AGAP1: variants seen among roughly 807,000 people sequenced by gnomAD.
The protein encoded by AGAP1 is ArfGAP with GTPase domain, ankyrin repeat and PH domain 1.
In AGAP1, 29 loss-of-function variants were observed where a neutral mutation model predicts 105.3. The ratio of observed to expected loss-of-function variants is 0.28; its 90% confidence interval spans 0.21 to 0.38. The LOEUF is 0.38. Among genes scored for constraint, AGAP1 ranks in the 10% least tolerant of loss-of-function variants. The pLI is 1.00. For missense variants in AGAP1, 998 were observed against 1,165.1 expected (o/e 0.86, Z 2.09); for synonymous variants, 509 against 485.9 (o/e 1.05, Z -0.63).
At position 235,753,777 on chromosome 2, in the gene AGAP1, A is replaced by G. The variant is rs536758996; in HGVS notation, c.673+3289A>G. 2.1e-3 allele frequency among the ~76,000 whole-genome samples: 320 copies of G among 152,232 alleles called. 2 individuals carry two copies. In the South Asian group the frequency reaches 0.031, roughly 15 times the overall value. The stretch of plus-strand genomic sequence containing the variant: ...CTGTGAAGCTACAACTTCCGTGACT[A>G]TTGCGATTTTTTTGTCCTTAAAATA... On this transcript the variant is annotated intron_variant, in intron 6 of 17. Coordinates refer to ENST00000304032, the MANE Select transcript of AGAP1 (RefSeq NM_001037131.3). The surrounding 1 kb of genome is among the most constrained non-coding windows in gnomAD (Gnocchi z 4.5).
At chr2:235,629,286 G>A (rs1466348153) in intron 1 of AGAP1, among the ~76,000 whole-genome samples, 1 of 148,678 alleles carries the variant, frequency 6.7e-6, no homozygotes, top group Non-Finnish European at 1.5e-5. Context: ...GTGTGTGTGT[G>A]TGTGTGTGTG....
rs769867813 is a variant in AGAP1 at position 235,550,757 on chromosome 2, G to C, written c.163+55908G>C. Among the ~76,000 whole-genome samples, 14 of 152,146 alleles carry C rather than the reference G, an allele frequency of 9.2e-5. No individual in the cohort carries two copies. The highest frequency in any genetic ancestry group is 1.6e-4 in the Non-Finnish European group (11 of 68,026). On this transcript the variant is annotated intron_variant, in intron 1 of 17. Transcript: ENST00000304032. This position sits in a 1 kb window ranked among gnomAD's most constrained non-coding sequence, Gnocchi z 4.6. ...AAAGAGTGAGCTCTTTGATGCTGAT[G>C]AGATAGTGTTTATTTATTTTTATCT...
In AGAP1 at chr2:236,120,267, G is replaced by A. The variant is rs1225712882; in HGVS notation, c.2190G>A (p.Leu730=). The part of the protein sequence containing the change: ...LFLAPLPCTE[L]SLGQHLLRAT... ...TGGCCCCGCTGCCCTGCACGGAGCT[G>A]TCCCTGGGCCAGCACCTGCTGCGGG... The change falls in exon 17 of 18, where the codon CTG becomes CTA. Residue 730 remains leucine, a synonymous_variant. Transcript: ENST00000304032. This position sits in a 1 kb window ranked among gnomAD's most constrained non-coding sequence, Gnocchi z 6.0. 3 of 1,613,330 alleles carry A rather than the reference G, an allele frequency of 1.9e-6. No individual in the cohort carries two copies. Among genetic ancestry groups the A allele is most frequent in the Non-Finnish European group, 2.5e-6 (3 of 1,179,762 alleles).
In AGAP1 at chr2:235,889,534, A is replaced by G. The variant is rs7573651; in HGVS notation, c.1155+6085A>G. Among the ~76,000 whole-genome samples, 1,984 of 147,260 alleles carry G rather than the reference A, an allele frequency of 0.013. 48 individuals are homozygous for G. The highest frequency in any genetic ancestry group is 0.047 in the African/African-American group (1,856 of 39,454). ...TCTTTCCTTTCTCGTCATCCCCCAA[A>G]AGTGTCTTTGCCTTTTTTTTTTTTT... is the stretch of plus-strand genomic sequence containing the variant. On this transcript the variant is annotated intron_variant, in intron 10 of 17. Coordinates refer to ENST00000304032, the MANE Select transcript of AGAP1 (RefSeq NM_001037131.3). This position sits in a 1 kb window ranked among gnomAD's most constrained non-coding sequence, Gnocchi z 4.6.
rs1364987532 is a variant in AGAP1 at position 235,736,602 on chromosome 2, G to C, written c.311-4361G>C. Among the ~76,000 whole-genome samples the C allele has an allele frequency of 6.6e-6, 1 of 152,132 alleles. No homozygotes were observed. The highest frequency in any genetic ancestry group is 1.5e-5 in the Non-Finnish European group (1 of 68,024). ...TCCTCTAAAATTCTGGTGGAAAAAA[G>C]ATCTCCCTTTGGGAGGCTGAGGCAG... On this transcript the variant is annotated intron_variant, in intron 3 of 17. Transcript: ENST00000304032. This position sits in a 1 kb window ranked among gnomAD's most constrained non-coding sequence, Gnocchi z 5.5.
chr2:235,727,960 T>C (rs896840784), intron 3 of AGAP1, among the ~76,000 whole-genome samples: 2 of 152,042 alleles, frequency 1.3e-5, no homozygotes, highest in Non-Finnish European at 2.9e-5. Context: ...GGGAATGAAA[T>C]TGAATGTGCA....
chr2:235,883,173 A>G lies in AGAP1; in HGVS notation c.1051-172A>G, dbSNP rs954623585. Among the ~76,000 whole-genome samples the G allele has an allele frequency of 6.6e-6, 1 of 151,940 alleles. No individual in the cohort carries two copies. Among genetic ancestry groups the G allele is most frequent in the Non-Finnish European group, 1.5e-5 (1 of 68,002 alleles). On this transcript the variant is annotated intron_variant, in intron 9 of 17. Coordinates refer to ENST00000304032, the MANE Select transcript of AGAP1 (RefSeq NM_001037131.3). This position sits in a 1 kb window ranked among gnomAD's most constrained non-coding sequence, Gnocchi z 4.5. ...AAAAGATCTAGTGTAGCACGTCTCA[A>G]TGTGTTTGTGTCGTATTTGTTGAAC...
rs952950008 is a variant in AGAP1 at position 235,889,082 on chromosome 2, C to T, written c.1155+5633C>T. Among the ~76,000 whole-genome samples the T allele has an allele frequency of 5.3e-5, 8 of 152,162 alleles. No homozygotes were observed. The highest frequency in any genetic ancestry group is 1.2e-4 in the Non-Finnish European group (8 of 68,022). On this transcript the variant is annotated intron_variant, in intron 10 of 17. Coordinates refer to ENST00000304032, the MANE Select transcript of AGAP1 (RefSeq NM_001037131.3). This position sits in a 1 kb window ranked among gnomAD's most constrained non-coding sequence, Gnocchi z 4.6. ...CCACGGAAGTGTTTGTGTGAAAGATCGATCACCTTTGGACACGAACTTCAA... is the reference window on the plus strand; with the variant it reads ...CCACGGAAGTGTTTGTGTGAAAGATTGATCACCTTTGGACACGAACTTCAA...
intron 9 of AGAP1, among the ~76,000 whole-genome samples, chr2:235,870,447 C>T (rs1022836681): frequency 6.6e-5 from 10 of 152,148 alleles, no homozygotes; most frequent in African/African-American, 1.9e-4. Context: ...GCCAACATGG[C>T]GAAACCCTGT....
At position 235,967,273 on chromosome 2, in the gene AGAP1, G is replaced by A. The variant is rs2054440366; in HGVS notation, c.1484-1189G>A. On this transcript the variant is annotated intron_variant, in intron 12 of 17. Transcript: ENST00000304032. The surrounding 1 kb of genome is among the most constrained non-coding windows in gnomAD (Gnocchi z 4.7). Reference sequence around the variant, plus strand: ...TCTGCCATTTTCAAGTCTTGATTCAGTGTCCCGTGCTCAGCGAGACCTACC... The same window carrying A: ...TCTGCCATTTTCAAGTCTTGATTCAATGTCCCGTGCTCAGCGAGACCTACC... Among the ~76,000 whole-genome samples the A allele has an allele frequency of 6.6e-6, 1 of 151,836 alleles. No individual in the cohort carries two copies. Among genetic ancestry groups the A allele is most frequent in the South Asian group, 2.1e-4 (1 of 4,802 alleles).
At chr2:236,037,659 C>CA (rs2057423561) in intron 14 of AGAP1, among the ~76,000 whole-genome samples, 1 of 152,232 alleles carries the variant, frequency 6.6e-6, no homozygotes, top group African/African-American at 2.4e-5. Flanking sequence ...CCACCTGCCT[C>CA]AGACACCCAG....
rs2052698436 is a variant in AGAP1 at position 235,931,033 on chromosome 2, AC to A, written c.1483+113del. On this transcript the variant is annotated intron_variant, in intron 12 of 17. Transcript: ENST00000304032. The surrounding 1 kb of genome is among the most constrained non-coding windows in gnomAD (Gnocchi z 5.6). ...TCTCATGCTCCTCTGGGAGCGCAGC[AC>A]CCTGTGGGGCGGCTGCATCAGAGAC... 1 of 1,275,040 alleles carries A rather than the reference AC, an allele frequency of 7.8e-7. No homozygotes were observed. 79.0% of individuals were successfully genotyped at this position (1,275,040 alleles called of 1,614,324 possible).
intron 1 of AGAP1, among the ~76,000 whole-genome samples, chr2:235,567,257 G>C (rs982844379): frequency 6.6e-6 from 1 of 152,232 alleles, no homozygotes; most frequent in African/African-American, 2.4e-5. Context: ...CCTGGTTTCA[G>C]CTGGAAGGAT....
In AGAP1 at chr2:235,979,827, G is replaced by A. The variant is rs544878409; in HGVS notation, c.1645+11204G>A. Among the ~76,000 whole-genome samples, 1 of 152,284 alleles carries A rather than the reference G, an allele frequency of 6.6e-6. No homozygotes were observed. Among genetic ancestry groups the A allele is most frequent in the East Asian group, 1.9e-4 (1 of 5,184 alleles). The stretch of plus-strand genomic sequence containing the variant: ...ATTTAATTTTTTTAAGTGGAAAAAA[G>A]CAAAGGAAAAATGTTTTAGTTTTCT... On this transcript the variant is annotated intron_variant, in intron 13 of 17. Transcript: ENST00000304032. The surrounding 1 kb of genome is among the most constrained non-coding windows in gnomAD (Gnocchi z 4.5).
At chr2:236,110,453 C>A (rs2059613925) in intron 16 of AGAP1, among the ~76,000 whole-genome samples, 1 of 151,928 alleles carries the variant, frequency 6.6e-6, no homozygotes, top group Admixed American at 6.6e-5. Context: ...GTTCCACCTA[C>A]TTGGGAGGCT....
chr2:235,730,545 C>T (rs1232459064), intron 3 of AGAP1, among the ~76,000 whole-genome samples: 1 of 150,518 alleles, frequency 6.6e-6, no homozygotes, highest in African/African-American at 2.5e-5. Flanking sequence ...GCAGTGGTGC[C>T]ATCATAGCCC....
rs1172075377 is a variant in AGAP1 at position 235,993,021 on chromosome 2, G to A, written c.1645+24398G>A. ...ATAGTAGCAAAAGTTATTGTTATAC[G>A]TTACAAAAAACCAGTTTAAGACATG... On this transcript the variant is annotated intron_variant, in intron 13 of 17. Transcript: ENST00000304032. The surrounding 1 kb of genome is among the most constrained non-coding windows in gnomAD (Gnocchi z 5.0). Among the ~76,000 whole-genome samples, 5 of 152,116 alleles carry A rather than the reference G, an allele frequency of 3.3e-5. No individual in the cohort carries two copies. Among genetic ancestry groups the A allele is most frequent in the South Asian group, 2.1e-4 (1 of 4,826 alleles).
intron 9 of AGAP1, among the ~76,000 whole-genome samples, chr2:235,819,501 G>A (rs1958659255): frequency 6.6e-6 from 1 of 152,152 alleles, no homozygotes; most frequent in Non-Finnish European, 1.5e-5. Flanking sequence ...GGCACATGGA[G>A]TCACTTAGGG....
Position 235,787,189 on chromosome 2 carries a change from G to A in AGAP1, c.674-10570G>A, listed in dbSNP as rs1956696193. Among the ~76,000 whole-genome samples, 1 of 152,210 alleles carries A rather than the reference G, an allele frequency of 6.6e-6. No individual in the cohort carries two copies. Among genetic ancestry groups the A allele is most frequent in the Non-Finnish European group, 1.5e-5 (1 of 68,028 alleles). ...TCCTGTTGTAAGAGTTGAGCTAGCA[G>A]GGGCCGCCTCTACCCTTGGCTGCTG... is the stretch of plus-strand genomic sequence containing the variant. On this transcript the variant is annotated intron_variant, in intron 6 of 17. Coordinates refer to ENST00000304032, the MANE Select transcript of AGAP1 (RefSeq NM_001037131.3). The surrounding 1 kb of genome is among the most constrained non-coding windows in gnomAD (Gnocchi z 4.4).
Sources: gnomAD v4.1 joint callset for allele counts (sites outside exome capture counted in the v4.1 genomes callset) on GRCh38, gnomAD v4.1.1 for gene constraint, Gnocchi (gnomAD v3.1) non-coding constraint, MANE v1.5 for transcripts, NCBI Gene and HGNC (gene_info 2026-07-23, HGNC 2026-07-21) for gene names.